SOX5: variants seen among roughly 807,000 people sequenced by gnomAD.
SOX5 encodes transcription factor SOX-5.
In SOX5, 9 loss-of-function variants were observed where a neutral mutation model predicts 92.0. That is an observed-to-expected ratio of 0.10 (90% CI 0.06 to 0.17). The LOEUF (loss-of-function observed/expected upper bound fraction) is 0.17, where lower values mean the gene tolerates loss of function less well. SOX5 is among the 10% of genes least tolerant of loss of function. The pLI, the probability that SOX5 is intolerant of heterozygous loss-of-function variation, is 1.00. For synonymous variants in SOX5, 344 were observed against 336.3 expected, an observed-to-expected ratio of 1.02 and a Z score of -0.25; for missense variants, 642 against 944.5, an observed-to-expected ratio of 0.68 and a Z score of 4.20.
intron 4 of SOX5, among the ~76,000 whole-genome samples, chr12:24,032,945 T>C (rs1399582388): frequency 2.0e-5 from 3 of 151,934 alleles, no homozygotes; most frequent in African/African-American, 7.2e-5. Flanking sequence ...TTTCTTTCTT[T>C]TAATATTAGA....
At chr12:23,907,998 T>A (rs1168647501) in intron 1 of SOX5, among the ~76,000 whole-genome samples, 1 of 152,080 alleles carries the variant, frequency 6.6e-6, no homozygotes, top group East Asian at 1.9e-4. Context: ...AAAGTGCCCA[T>A]CCCCACTCTT....
chr12:24,371,934 G>A (rs1956781506), intron 1 of SOX5, among the ~76,000 whole-genome samples: 1 of 151,904 alleles, frequency 6.6e-6, no homozygotes, highest in African/African-American at 2.4e-5. Context: ...GTTGCAGTGA[G>A]CCGAGATCAT....
rs1229185340 is a variant in SOX5 at position 24,504,107 on chromosome 12, T to G, written c.-251+58222A>C. ...CCTATTTCCCTGTAGCTTTGCTTCA[T>G]AGCAGTGTTCTGAATATAATTAATA... is the stretch of plus-strand genomic sequence containing the variant. On this transcript the variant is annotated intron_variant, in intron 1 of 4. Transcript: ENST00000446891. Among the ~76,000 whole-genome samples the G allele has an allele frequency of 2.0e-5, 3 of 152,332 alleles. No homozygotes were observed. The East Asian group carries it at 5.8e-4, about 29-fold the overall frequency.
Position 23,533,321 on chromosome 12 carries a change from C to CT in SOX5, c.*897dup. 5.8e-6 allele frequency: 2 copies of CT among 346,554 alleles called. No individual in the cohort carries two copies. The highest frequency in any genetic ancestry group is 4.4e-5 in the South Asian group (2 of 45,424). The allele number at this position is 346,554 out of a possible 1,614,324, so 21.5% of individuals were successfully genotyped here. On this transcript the variant is annotated 3_prime_UTR_variant, in exon 15 of 15. Transcript: ENST00000451604. ...TTCTTATGTCTCTCTCTCTCTCTCT[C>CT]TTTTCACCTGAGAACAGCACCTACA...
rs1410337477 is a variant in SOX5 at position 23,534,493 on chromosome 12, G to T, written c.2018C>A (p.Ala673Asp). 6.2e-7 allele frequency: 1 copy of T among 1,613,524 alleles called. No individual in the cohort carries two copies. Among genetic ancestry groups the T allele is most frequent in the Non-Finnish European group, 8.5e-7 (1 of 1,179,864 alleles). The change falls in exon 15 of 15, where the codon GCT becomes GAT. Residue 673 changes from alanine (A) to aspartate (D), a missense_variant. This residue lies in a region of SOX5 where 130 missense variants were observed against 140.6 expected (regional missense o/e 0.92). Coordinates refer to ENST00000451604, the MANE Select transcript of SOX5 (RefSeq NM_006940.6). ...GQQAQIPIAT[A>D]GVVYPGAIAM... ...GATGGCTCCAGGGTACACAACACCA[G>T]CAGTGGCAATGGGGATCTGTGCTTG...
chr12:24,151,864 A>AAAATAAAT lies in SOX5; in HGVS notation c.-2+61471_-2+61478dup, dbSNP rs547593350. ...CATAGAATACGATGCAAGAAGTAAA[A>AAAATAAAT]AAATAAATAAATAAATAAATAAAAT... On this transcript the variant is annotated intron_variant, in intron 4 of 4. Transcript: ENST00000446891. Among the ~76,000 whole-genome samples the AAAATAAAT allele has an allele frequency of 3.3e-5, 5 of 152,144 alleles. No individual in the cohort carries two copies. In the East Asian group the frequency reaches 9.6e-4, roughly 29 times the overall value.
intron 1 of SOX5, among the ~76,000 whole-genome samples, chr12:23,927,807 A>T (rs1282337010): frequency 6.6e-6 from 1 of 152,070 alleles, no homozygotes; most frequent in African/African-American, 2.4e-5. Flanking sequence ...GATGATCACG[A>T]GTAAGACCAA....
chr12:24,310,074 C>A (rs1156807773), intron 2 of SOX5, among the ~76,000 whole-genome samples: 1 of 152,126 alleles, frequency 6.6e-6, no homozygotes, highest in Non-Finnish European at 1.5e-5. Flanking sequence ...CACTTCCCAT[C>A]ATATCTGCGT....
At chr12:23,611,831 T>TCC (rs1177114851) in intron 8 of SOX5, among the ~76,000 whole-genome samples, 1 of 151,416 alleles carries the variant, frequency 6.6e-6, no homozygotes, top group East Asian at 1.9e-4. Context: ...ACCCTTACTC[T>TCC]CCCCCTTTTC....
chr12:24,317,467 C>G (rs496396), intron 2 of SOX5, among the ~76,000 whole-genome samples: 17,740 of 152,244 alleles, frequency 0.12, 1,384 homozygotes, highest in Non-Finnish European at 0.17. Flanking sequence ...AATCTTAAGA[C>G]AGTCTTGGTC....
chr12:23,962,298 G>A (rs532310711), intron 4 of SOX5, among the ~76,000 whole-genome samples: 1 of 151,968 alleles, frequency 6.6e-6, no homozygotes, highest in African/African-American at 2.4e-5. Context: ...AAAAGACCAG[G>A]AGAACAGGGT....
chr12:24,191,066 A>T (rs1956477753), intron 4 of SOX5, among the ~76,000 whole-genome samples: 1 of 152,100 alleles, frequency 6.6e-6, no homozygotes, highest in South Asian at 2.1e-4. Context: ...GACTCAAGGG[A>T]GTGGCTGGGA....
chr12:23,941,978 GAA>G (rs1424427646), intron 1 of SOX5, among the ~76,000 whole-genome samples: 2 of 150,156 alleles, frequency 1.3e-5, no homozygotes, highest in African/African-American at 4.9e-5. Context: ...GGAGAGCAGT[GAA>G]AAAAAAGTCT....
intron 1 of SOX5, among the ~76,000 whole-genome samples, chr12:24,522,244 A>G (rs2955486): frequency 7.6e-4 from 115 of 152,144 alleles, no homozygotes; most frequent in Middle Eastern, 3.4e-3. Flanking sequence ...GTCTGAACAG[A>G]TTTATATATC....
intron 4 of SOX5, among the ~76,000 whole-genome samples, chr12:24,103,354 C>CTTTTTTTT (rs5797063): frequency 6.7e-6 from 1 of 148,878 alleles, no homozygotes; most frequent in Non-Finnish European, 1.5e-5. Context: ...TTCTCAATAT[C>CTTTTTTTT]TTTTTTTTTT....
intron 6 of SOX5, among the ~76,000 whole-genome samples, chr12:23,698,786 T>C (rs1260000903): frequency 4.6e-5 from 7 of 152,168 alleles, no homozygotes; most frequent in Admixed American, 6.5e-5. Flanking sequence ...TGGAAACAAT[T>C]TCATCCTTTC....
chr12:24,517,715 T>C (rs1337207737), intron 1 of SOX5, among the ~76,000 whole-genome samples: 1 of 152,052 alleles, frequency 6.6e-6, no homozygotes, highest in East Asian at 1.9e-4. Flanking sequence ...TTTTTTTTTT[T>C]TTTTAACAAT....
intron 3 of SOX5, among the ~76,000 whole-genome samples, chr12:23,769,893 A>AT (rs2094868446): frequency 6.6e-6 from 1 of 152,082 alleles, no homozygotes; most frequent in Non-Finnish European, 1.5e-5. Flanking sequence ...ATTATAATCA[A>AT]TTTTTTATAA....
chr12:24,129,215 T>G (rs1477402212), intron 4 of SOX5, among the ~76,000 whole-genome samples: 1 of 152,220 alleles, frequency 6.6e-6, no homozygotes, highest in Non-Finnish European at 1.5e-5. Context: ...AAACACCTTT[T>G]CATTTGAATA....
Sources: allele counts gnomAD v4.1 joint callset (sites outside exome capture counted in the v4.1 genomes callset), GRCh38; gene constraint gnomAD v4.1.1; regional missense constraint gnomAD v4.1.1; transcripts MANE v1.5; gene names NCBI Gene and HGNC (gene_info 2026-07-23, HGNC 2026-07-21).